The following GK variants were observed in gnomAD, a reference collection of about 807,000 sequenced individuals.
GK encodes ATP:glycerol 3-phosphotransferase.
A neutral mutation model predicts 56.4 loss-of-function variants in GK; 9 were observed. The ratio of observed to expected loss-of-function variants is 0.16; its 90% confidence interval spans 0.10 to 0.28. The LOEUF is 0.28. Among genes scored for constraint, GK ranks in the 10% least tolerant of loss-of-function variants. The pLI, the probability that GK is intolerant of heterozygous loss-of-function variation, is 1.00. For synonymous variants in GK, 104 were observed against 144.1 expected, an observed-to-expected ratio of 0.72 and a Z score of 1.99; for missense variants, 161 against 431.4, an observed-to-expected ratio of 0.37 and a Z score of 5.55.
At chrX:30,674,354 C>T in intron 3 of GK, 1 of 330,820 alleles carries the variant, frequency 3.0e-6, no homozygotes, top group Non-Finnish European at 5.9e-6. Flanking sequence ...GGCCTTAAAT[C>T]CTCACCTTCC....
intron 4 of GK, among the ~76,000 whole-genome samples, chrX:30,681,456 AAG>A (rs1276091037): frequency 2.7e-5 from 3 of 112,196 alleles, no homozygotes; most frequent in Non-Finnish European, 3.8e-5. Flanking sequence ...AAAAGAATCT[AAG>A]AGAAATATGG....
At chrX:30,700,808 A>G in intron 10 of GK, 30 bp from the exon 11 acceptor site, 2 of 934,298 alleles carry the variant, frequency 2.1e-6, no homozygotes, top group Non-Finnish European at 3.1e-6. Context: ...TGTATTAGTC[A>G]GTGTTCTTTA....
Position 30,718,569 on chromosome X carries a change from G to A in GK, c.1007G>A (p.Arg336His), listed in dbSNP as rs371481560. The A allele has an allele frequency of 9.2e-6, 11 of 1,190,427 alleles. No homozygotes were observed. Among genetic ancestry groups the A allele is most frequent in the East Asian group, 5.9e-5 (2 of 33,681 alleles). ...GTAGCTATAGCTGGTGCTGTTATTCGCTGGCTAAGAGACAATCTTGGAATT... is the reference window on the plus strand; with the variant it reads ...GTAGCTATAGCTGGTGCTGTTATTCACTGGCTAAGAGACAATCTTGGAATT... ...GSVAIAGAVI[R>H]WLRDNLGIIK... Residue 336 changes from arginine to histidine, a missense_variant, in exon 14 of 21, where the codon CGC becomes CAC. Coordinates refer to ENST00000427190, the MANE Select transcript of GK (RefSeq NM_001205019.2).
chrX:30,707,403 T>C (rs1363889945), intron 11 of GK, among the ~76,000 whole-genome samples, 153 bp from the exon 12 acceptor site: 1 of 111,290 alleles, frequency 9.0e-6, no homozygotes, highest in Non-Finnish European at 1.9e-5. Context: ...TCCAGGAAGA[T>C]ATATGATTTT....
chrX:30,699,253 A>G (rs1257548097), intron 9 of GK, among the ~76,000 whole-genome samples: 1 of 100,126 alleles, frequency 1.0e-5, no homozygotes, highest in Admixed American at 1.1e-4. Flanking sequence ...CATGTTATAT[A>G]TACATGTTAT....
intron 13 of GK, among the ~76,000 whole-genome samples, chrX:30,709,846 TC>T (rs2147241001): frequency 9.0e-6 from 1 of 111,707 alleles, no homozygotes; most frequent in South Asian, 3.7e-4. Context: ...TCTGCTCTGT[TC>T]TGTATTTGTG....
At chrX:30,705,647 A>G (rs1290996359) in intron 11 of GK, among the ~76,000 whole-genome samples, 1 of 112,834 alleles carries the variant, frequency 8.9e-6, no homozygotes, top group East Asian at 2.8e-4. Flanking sequence ...TTCTGTGAGT[A>G]CAATGTACAA....
chrX:30,703,902 A>C (rs1022828589), intron 11 of GK, among the ~76,000 whole-genome samples: 1 of 106,378 alleles, frequency 9.4e-6, no homozygotes, highest in Non-Finnish European at 1.9e-5. Flanking sequence ...TGGAGGCTGC[A>C]GTGAGCCGAG....
intron 3 of GK, chrX:30,672,214 G>A (rs1286311150): frequency 2.1e-5 from 2 of 94,724 alleles, no homozygotes; most frequent in East Asian, 3.3e-4. Flanking sequence ...GTGATAGAAC[G>A]AAAACACAAC....
At chrX:30,675,137 T>C (rs924247515) in intron 3 of GK, among the ~76,000 whole-genome samples, 12 of 111,380 alleles carry the variant, frequency 1.1e-4, no homozygotes, top group Non-Finnish European at 2.3e-4. Flanking sequence ...GGATTACCCT[T>C]ATTCTATATA....
intron 4 of GK, among the ~76,000 whole-genome samples, chrX:30,680,236 T>C (rs1293302048): frequency 1.8e-5 from 2 of 111,910 alleles, no homozygotes; most frequent in African/African-American, 6.5e-5. Context: ...ACTTTGGGAT[T>C]GTGCTAAGTA....
chrX:30,730,380 A>G lies in GK; in HGVS notation c.*1638A>G, dbSNP rs901701110. 9 of 111,969 alleles carry G rather than the reference A, an allele frequency of 8.0e-5. No homozygotes were observed. Among genetic ancestry groups the G allele is most frequent in the Non-Finnish European group, 5.6e-5 (3 of 53,254 alleles). 9.2% of individuals were successfully genotyped at this position (111,969 alleles called of 1,213,427 possible). ...CCACCACTTAAGTGACATAAATATT[A>G]TAGAAAGGTACTGTGAAATGATCAC... is the stretch of plus-strand genomic sequence containing the variant. On this transcript the variant is annotated 3_prime_UTR_variant, in exon 21 of 21. Transcript: ENST00000427190.
intron 3 of GK, chrX:30,674,312 C>T: frequency 3.0e-6 from 1 of 331,257 alleles, no homozygotes. Flanking sequence ...ATAACCCTAC[C>T]TCCTGCTTCA....
chrX:30,677,365 C>G lies in GK; in HGVS notation c.260-10C>G. 5 of 1,072,109 alleles carry G rather than the reference C, an allele frequency of 4.7e-6. No homozygotes were observed. The highest frequency in any genetic ancestry group is 6.5e-6 in the Non-Finnish European group (5 of 768,185). 88.4% of individuals were successfully genotyped at this position (1,072,109 alleles called of 1,213,427 possible). ...TTTTGACTTCCTTCTGTTTAACTTT[C>G]TCTTTAAAGCTATTGGTGTCAGCAA... On this transcript the variant is annotated splice_polypyrimidine_tract_variant and intron_variant, in intron 3 of 20. Transcript: ENST00000427190.
intron 4 of GK, among the ~76,000 whole-genome samples, chrX:30,685,402 G>A (rs991517741): frequency 8.9e-6 from 1 of 111,880 alleles, no homozygotes; most frequent in African/African-American, 3.2e-5. Flanking sequence ...CAAAGTGCTG[G>A]GATTGCAGGC....
intron 18 of GK, among the ~76,000 whole-genome samples, chrX:30,722,475 G>A (rs1215088847): frequency 8.9e-6 from 1 of 112,104 alleles, no homozygotes; most frequent in Non-Finnish European, 1.9e-5. Flanking sequence ...ATTCTTAGGG[G>A]AGCCATCTTT....
intron 16 of GK, 144 bp from the exon 17 acceptor site, chrX:30,720,477 G>A (rs1419390709): frequency 3.6e-6 from 2 of 555,854 alleles, no homozygotes; most frequent in African/African-American, 2.3e-5. Flanking sequence ...AGATCAAAGA[G>A]GGCTTAGAAG....
At chrX:30,727,574 A>G in intron 20 of GK, 22 bp downstream of exon 20, 1 of 929,841 alleles carries the variant, frequency 1.1e-6, no homozygotes, top group East Asian at 3.1e-5. Context: ...TTTAAATTAG[A>G]CAACTCTATT....
At chrX:30,705,493 CT>C (rs916963822) in intron 11 of GK, among the ~76,000 whole-genome samples, 4 of 112,757 alleles carry the variant, frequency 3.5e-5, no homozygotes, top group African/African-American at 1.3e-4. Context: ...GTCAACCCCC[CT>C]GCCCCTATGC....
Sources: gnomAD v4.1 joint callset for allele counts (sites outside exome capture counted in the v4.1 genomes callset) on GRCh38, gnomAD v4.1.1 for gene constraint, MANE v1.5 for transcripts, NCBI Gene and HGNC (gene_info 2026-07-23, HGNC 2026-07-21) for gene names.